Variants in PAN3 observed in about 807,000 individuals in gnomAD.
PAN3 encodes poly(A) specific ribonuclease subunit PAN3.
PAN3 carries 19 observed loss-of-function variants against 96.2 expected under a neutral mutation model. That is an observed-to-expected ratio of 0.20 (90% CI 0.14 to 0.29). The LOEUF (loss-of-function observed/expected upper bound fraction) is 0.29. Ranked by LOEUF, PAN3 falls within the 10% of genes least tolerant of loss-of-function variation. PAN3 has a pLI of 1.00. For synonymous variants in PAN3, 433 were observed against 406.6 expected, an observed-to-expected ratio of 1.06 and a Z score of -0.78; for missense variants, 882 against 1,108.1, an observed-to-expected ratio of 0.80 and a Z score of 2.90.
chr13:28,292,536 A>C lies in PAN3; in HGVS notation c.*14A>C. ...GGTCAGTTGTAGTATTTGCTAAAAA[A>C]GCACGCAGGACATGGCTAAAGACCT... On this transcript the variant is annotated 3_prime_UTR_variant, in exon 19 of 19. Transcript: ENST00000380958. The C allele has an allele frequency of 1.2e-6, 2 of 1,600,738 alleles. No individual in the cohort carries two copies. Among genetic ancestry groups the C allele is most frequent in the Non-Finnish European group, 1.7e-6 (2 of 1,174,892 alleles).
chr13:28,215,223 C>T, intron 5 of PAN3: 1 of 711,444 alleles, frequency 1.4e-6, no homozygotes, highest in East Asian at 2.6e-5. Flanking sequence ...CTGCATCCTC[C>T]CACTAGCTTG....
chr13:28,181,311 C>T (rs371985918), intron 4 of PAN3, among the ~76,000 whole-genome samples: 2 of 152,004 alleles, frequency 1.3e-5, no homozygotes, highest in East Asian at 3.9e-4. Flanking sequence ...GAGTTCAAGA[C>T]TAGCCTGGAC....
intron 5 of PAN3, chr13:28,215,889 G>C (rs1301143262): frequency 7.5e-7 from 1 of 1,332,994 alleles, no homozygotes; most frequent in East Asian, 2.3e-5. Flanking sequence ...ATCTCAGAAG[G>C]CTAAATGAAT....
At chr13:28,159,489 C>G (rs1356145362) in intron 1 of PAN3, among the ~76,000 whole-genome samples, 1 of 152,104 alleles carries the variant, frequency 6.6e-6, no homozygotes, top group Non-Finnish European at 1.5e-5. Flanking sequence ...CTCTTGTTTC[C>G]CAGGCTGGAG....
intron 9 of PAN3, 82 bp from the exon 10 acceptor site, chr13:28,266,628 TTATAG>T (rs1886202710): frequency 9.3e-7 from 1 of 1,079,368 alleles, no homozygotes; most frequent in African/African-American, 1.6e-5. Context: ...CACAAGGGGT[TTATAG>T]TAAATATCAT....
At chr13:28,180,979 ATT>A (rs1875697744) in intron 4 of PAN3, among the ~76,000 whole-genome samples, 1 of 152,214 alleles carries the variant, frequency 6.6e-6, no homozygotes, top group Admixed American at 6.5e-5. Context: ...GTAGCAAAGA[ATT>A]CTCTAGATCC....
Position 28,169,222 on chromosome 13 carries a change from CTTTTTTTTTTTT to C in PAN3, c.431-5037_431-5026del, listed in dbSNP as rs202200725. Among the ~76,000 whole-genome samples, 101 of 74,988 alleles carry C rather than the reference CTTTTTTTTTTTT, an allele frequency of 1.3e-3. 2 individuals carry two copies. Among genetic ancestry groups the C allele is most frequent in the African/African-American group, 4.9e-3 (87 of 17,864 alleles). The allele number at this position is 74,988 out of a possible 152,430, so 49.2% of individuals were successfully genotyped here. On this transcript the variant is annotated intron_variant, in intron 1 of 18. Transcript: ENST00000380958. Reference sequence around the variant, plus strand: ...CATTTTCTCATTTTTTTTTTGTTTGCTTTTTTTTTTTTTTTTTTTTTTTTGAGATGGAGTCTC... The same window carrying C: ...CATTTTCTCATTTTTTTTTTGTTTGCTTTTTTTTTTTTGAGATGGAGTCTC...
intron 14 of PAN3, among the ~76,000 whole-genome samples, chr13:28,273,533 G>T (rs565325977): frequency 2.0e-5 from 3 of 151,974 alleles, no homozygotes; most frequent in Non-Finnish European, 2.9e-5. Context: ...CCTGGGAGGC[G>T]GAGGTTGCAG....
chr13:28,249,134 T>G (rs1025413774), intron 6 of PAN3, among the ~76,000 whole-genome samples: 3 of 152,232 alleles, frequency 2.0e-5, no homozygotes, highest in African/African-American at 7.2e-5. Flanking sequence ...ACTTGTCCTA[T>G]CTTTTATTTA....
In PAN3 at chr13:28,292,392, G is replaced by A; in HGVS notation, c.2534G>A (p.Gly845Asp). ...IISCLNKLDA[G>D]VPEKISLISR... ...TATATATTGTTTCAGCTAGATGCTGGTGTGCCAGAAAAAATAAGCCTGATT... is the reference window on the plus strand; with the variant it reads ...TATATATTGTTTCAGCTAGATGCTGATGTGCCAGAAAAAATAAGCCTGATT... Residue 845 changes from glycine to aspartate, a missense_variant, in exon 19 of 19, where the codon GGT (glycine) becomes GAT (aspartate). Transcript: ENST00000380958. The A allele has an allele frequency of 6.2e-7, 1 of 1,604,784 alleles. No homozygotes were observed. Among genetic ancestry groups the A allele is most frequent in the Non-Finnish European group, 8.5e-7 (1 of 1,175,940 alleles).
intron 12 of PAN3, among the ~76,000 whole-genome samples, chr13:28,269,754 A>G (rs983876748): frequency 1.3e-5 from 2 of 152,134 alleles, no homozygotes; most frequent in Non-Finnish European, 2.9e-5. Context: ...TCCAGAGTAT[A>G]TTATCTTCTG....
At chr13:28,210,368 GA>G (rs1325605955) in intron 5 of PAN3, among the ~76,000 whole-genome samples, 85 of 152,252 alleles carry the variant, frequency 5.6e-4, no homozygotes, top group African/African-American at 2.0e-3. Flanking sequence ...TTCCTCTTAA[GA>G]TTGTCAAGTT....
At chr13:28,289,429 C>T (rs1593646058) in intron 18 of PAN3, among the ~76,000 whole-genome samples, 1 of 152,086 alleles carries the variant, frequency 6.6e-6, no homozygotes, top group Non-Finnish European at 1.5e-5. Context: ...AGGCACACGC[C>T]ACCACACCCA....
chr13:28,214,867 C>A, intron 5 of PAN3: 1 of 763,578 alleles, frequency 1.3e-6, no homozygotes, highest in Non-Finnish European at 2.3e-6. Flanking sequence ...ATTATTGCTG[C>A]TGGTGTTGGT....
At chr13:28,166,621 G>T (rs1186591474) in intron 1 of PAN3, among the ~76,000 whole-genome samples, 1 of 152,212 alleles carries the variant, frequency 6.6e-6, no homozygotes, top group Non-Finnish European at 1.5e-5. Flanking sequence ...GCTCTCTGCT[G>T]CAGCCTGCCC....
chr13:28,159,762 A>C (rs1320972066), intron 1 of PAN3, among the ~76,000 whole-genome samples: 1 of 151,812 alleles, frequency 6.6e-6, no homozygotes, highest in South Asian at 2.1e-4. Flanking sequence ...CTGGAGACTT[A>C]TTGAGCAGGG....
chr13:28,290,721 T>C (rs1173612971), intron 18 of PAN3, among the ~76,000 whole-genome samples: 4 of 152,194 alleles, frequency 2.6e-5, no homozygotes, highest in Non-Finnish European at 5.9e-5. Context: ...ATATGTATCA[T>C]TGAACTAATT....
chr13:28,140,271 T>C (rs1869533106), intron 1 of PAN3, among the ~76,000 whole-genome samples: 1 of 152,176 alleles, frequency 6.6e-6, no homozygotes, highest in Admixed American at 6.5e-5. Flanking sequence ...CAATTGAATG[T>C]GAGCGTAATC....
chr13:28,187,605 A>T (rs565223891), intron 4 of PAN3, among the ~76,000 whole-genome samples: 6 of 152,330 alleles, frequency 3.9e-5, no homozygotes, highest in Non-Finnish European at 8.8e-5. Context: ...TACTATGTAG[A>T]TAATGTTTGT....
Sources: gnomAD v4.1 joint callset for allele counts (sites outside exome capture counted in the v4.1 genomes callset) on GRCh38, gnomAD v4.1.1 for gene constraint, MANE v1.5 for transcripts, NCBI Gene and HGNC (gene_info 2026-07-23, HGNC 2026-07-21) for gene names.